LRMDA: variants seen among roughly 807,000 people sequenced by gnomAD.
LRMDA encodes leucine rich melanocyte differentiation associated, also known as leucine-rich melanocyte differentiation-associated protein.
A neutral mutation model predicts 29.8 loss-of-function variants in LRMDA; 18 were observed. That is an observed-to-expected ratio of 0.60 (90% CI 0.42 to 0.90). The LOEUF (loss-of-function observed/expected upper bound fraction) is 0.90. Ranked by LOEUF, LRMDA falls within the 40% of genes least tolerant of loss-of-function variation. LRMDA has a pLI of 0.00. For synonymous variants in LRMDA, 125 were observed against 109.4 expected, an observed-to-expected ratio of 1.14 and a Z score of -0.89; for missense variants, 273 against 273.9, an observed-to-expected ratio of 1.00 and a Z score of 0.02.
chr10:76,092,922 A>G (rs1361238430), intron 5 of LRMDA, among the ~76,000 whole-genome samples: 2 of 152,232 alleles, frequency 1.3e-5, no homozygotes, highest in African/African-American at 4.8e-5. Flanking sequence ...TAGGACATAA[A>G]TACTTATTAA....
intron 2 of LRMDA, among the ~76,000 whole-genome samples, chr10:75,862,254 A>G (rs1053315941): frequency 2.6e-5 from 4 of 151,898 alleles, no homozygotes; most frequent in Non-Finnish European, 4.4e-5. Flanking sequence ...ATGATTTTTC[A>G]TATCTGAGAA....
chr10:75,462,707 G>A (rs1160938377), intron 2 of LRMDA, among the ~76,000 whole-genome samples: 3 of 152,122 alleles, frequency 2.0e-5, no homozygotes, highest in Non-Finnish European at 4.4e-5. Flanking sequence ...TGTTGTGCTG[G>A]TATAATTAGC....
intron 2 of LRMDA, among the ~76,000 whole-genome samples, chr10:75,832,601 T>C (rs1328553454): frequency 6.6e-6 from 1 of 152,194 alleles, no homozygotes; most frequent in Non-Finnish European, 1.5e-5. Context: ...GGCACCCCAT[T>C]CTTGGTACCA....
chr10:76,534,800 C>T (rs1843273889), intron 6 of LRMDA, among the ~76,000 whole-genome samples: 4 of 152,232 alleles, frequency 2.6e-5, no homozygotes, highest in South Asian at 2.1e-4. Flanking sequence ...AAAATATGAA[C>T]ACTGGATCTC....
intron 2 of LRMDA, among the ~76,000 whole-genome samples, chr10:75,988,388 C>G (rs1203029237): frequency 6.6e-6 from 1 of 152,042 alleles, no homozygotes; most frequent in Non-Finnish European, 1.5e-5. Flanking sequence ...TCTGGGTGTC[C>G]AGGTGGTTCC....
At chr10:76,222,780 G>A (rs1402601020) in intron 5 of LRMDA, among the ~76,000 whole-genome samples, 3 of 152,124 alleles carry the variant, frequency 2.0e-5, no homozygotes, top group Admixed American at 2.0e-4. Context: ...ATACCCAAAG[G>A]ACTATATATC....
At chr10:76,333,548 G>C (rs1312106529) in intron 6 of LRMDA, among the ~76,000 whole-genome samples, 3 of 152,222 alleles carry the variant, frequency 2.0e-5, no homozygotes, top group Non-Finnish European at 4.4e-5. Context: ...GAGCAGGAGT[G>C]GGGGCCATGC....
chr10:75,829,845 T>A (rs1039276448), intron 2 of LRMDA, among the ~76,000 whole-genome samples: 2 of 145,636 alleles, frequency 1.4e-5, no homozygotes, highest in African/African-American at 5.3e-5. Flanking sequence ...AGGCCACTTT[T>A]TTTTTTTTTT....
At chr10:75,669,110 C>G (rs1482097880) in intron 2 of LRMDA, among the ~76,000 whole-genome samples, 1 of 152,124 alleles carries the variant, frequency 6.6e-6, no homozygotes, top group East Asian at 1.9e-4. Flanking sequence ...CATATTTAGC[C>G]CCTTATGTTG....
intron 5 of LRMDA, among the ~76,000 whole-genome samples, chr10:76,193,961 C>T (rs780197968): frequency 2.0e-5 from 3 of 152,136 alleles, no homozygotes; most frequent in Non-Finnish European, 2.9e-5. Flanking sequence ...TCAACCCATA[C>T]TTGATATTTT....
intron 2 of LRMDA, among the ~76,000 whole-genome samples, chr10:75,975,739 C>G (rs1362359450): frequency 6.6e-6 from 1 of 152,212 alleles, no homozygotes; most frequent in Non-Finnish European, 1.5e-5. Flanking sequence ...GAATAGAAAT[C>G]ATGTCTGCTC....
chr10:76,314,622 C>G (rs1840669367), intron 5 of LRMDA, among the ~76,000 whole-genome samples: 1 of 152,116 alleles, frequency 6.6e-6, no homozygotes. Flanking sequence ...GCATAAATAA[C>G]AGTAAAATTT....
chr10:76,182,916 A>G (rs1388874072), intron 5 of LRMDA, among the ~76,000 whole-genome samples: 1 of 152,208 alleles, frequency 6.6e-6, no homozygotes, highest in Non-Finnish European at 1.5e-5. Flanking sequence ...GTTGAAATAG[A>G]GAAGGACAAG....
chr10:76,451,456 C>T (rs896980759), intron 6 of LRMDA, among the ~76,000 whole-genome samples: 17 of 152,090 alleles, frequency 1.1e-4, no homozygotes, highest in Admixed American at 5.9e-4. Flanking sequence ...CCGCCCGCCT[C>T]GGCCTCCCAA....
intron 5 of LRMDA, among the ~76,000 whole-genome samples, chr10:76,252,506 G>T (rs1852504335): frequency 6.6e-6 from 1 of 152,168 alleles, no homozygotes; most frequent in South Asian, 2.1e-4. Flanking sequence ...CAGAGGGGAG[G>T]ACTGGCCAAG....
intron 2 of LRMDA, among the ~76,000 whole-genome samples, chr10:75,519,799 T>A (rs998521793): frequency 6.6e-5 from 10 of 152,232 alleles, no homozygotes; most frequent in Non-Finnish European, 1.5e-5. Flanking sequence ...ATTTGGCATG[T>A]TTTTGCAGTG....
chr10:76,221,771 T>G (rs1851843739), intron 5 of LRMDA, among the ~76,000 whole-genome samples: 1 of 152,082 alleles, frequency 6.6e-6, no homozygotes. Flanking sequence ...AAAACTACTT[T>G]AAAGCTCATA....
chr10:76,026,636 C>T (rs549149575), intron 2 of LRMDA, among the ~76,000 whole-genome samples: 1 of 152,284 alleles, frequency 6.6e-6, no homozygotes. Context: ...AAGCCTTGCA[C>T]AGTCCCAGCT....
At chr10:75,697,510 T>C (rs1201249375) in intron 2 of LRMDA, among the ~76,000 whole-genome samples, 1 of 151,972 alleles carries the variant, frequency 6.6e-6, no homozygotes, top group Non-Finnish European at 1.5e-5. Context: ...ATTCTTTTTT[T>C]TTTTTTTCTT....
Sources: allele counts gnomAD v4.1 joint callset (sites outside exome capture counted in the v4.1 genomes callset), GRCh38; gene constraint gnomAD v4.1.1; transcripts MANE v1.5; gene names NCBI Gene and HGNC (gene_info 2026-07-23, HGNC 2026-07-21).